Variants in LCP1 observed in about 807,000 individuals in gnomAD.
LCP1 encodes lymphocyte cytosolic protein 1, also known as plastin-2.
Under a neutral mutation model 72.0 loss-of-function variants are expected in LCP1, and 23 were observed. The ratio of observed to expected loss-of-function variants is 0.32; its 90% CI spans 0.23 to 0.45. The LOEUF is 0.45. Ranked by LOEUF, LCP1 falls within the 20% of genes least tolerant of loss-of-function variation. The pLI is 1.00. For missense variants in LCP1, 571 were observed against 748.3 expected (o/e 0.76, Z 2.76); for synonymous variants, 245 against 275.4 (o/e 0.89, Z 1.09).
intron 6 of LCP1, among the ~76,000 whole-genome samples, chr13:46,153,450 C>T (rs543055060): frequency 1.3e-5 from 2 of 152,056 alleles, no homozygotes; most frequent in Non-Finnish European, 2.9e-5. Flanking sequence ...CCCATAATCC[C>T]GGCACTTTGA....
chr13:46,170,615 G>A (rs2045900437), intron 1 of LCP1, among the ~76,000 whole-genome samples: 1 of 152,208 alleles, frequency 6.6e-6, no homozygotes, highest in South Asian at 2.1e-4. Flanking sequence ...TGGAAATATA[G>A]GTGCTAGCAT....
At chr13:46,146,436 C>T (rs1294376910) in intron 10 of LCP1, among the ~76,000 whole-genome samples, 2 of 152,126 alleles carry the variant, frequency 1.3e-5, no homozygotes, top group South Asian at 2.1e-4. Context: ...AAAAATACAA[C>T]TGTTAGGGAT....
chr13:46,176,169 T>C (rs1011170153), intron 1 of LCP1, among the ~76,000 whole-genome samples: 4 of 152,174 alleles, frequency 2.6e-5, no homozygotes, highest in Non-Finnish European at 5.9e-5. Flanking sequence ...TAGTTAACAG[T>C]ACATAGTTTT....
intron 1 of LCP1, among the ~76,000 whole-genome samples, chr13:46,165,125 C>T (rs2138272668): frequency 6.6e-6 from 1 of 152,282 alleles, no homozygotes; most frequent in African/African-American, 2.4e-5. Flanking sequence ...GTGATCCCAA[C>T]ATGTTGGGAG....
chr13:46,134,555 G>C (rs1391990147), intron 13 of LCP1, among the ~76,000 whole-genome samples: 2 of 152,072 alleles, frequency 1.3e-5, no homozygotes, highest in Non-Finnish European at 2.9e-5. Flanking sequence ...TGAAGGAAAA[G>C]ATTCCAACCT....
intron 1 of LCP1, among the ~76,000 whole-genome samples, chr13:46,179,936 T>G (rs1006040853): frequency 6.6e-6 from 1 of 152,196 alleles, no homozygotes; most frequent in African/African-American, 2.4e-5. Context: ...TTTATAAAAA[T>G]AAAAATGTTT....
At chr13:46,128,672 A>G (rs2045616311) in intron 15 of LCP1, among the ~76,000 whole-genome samples, 1 of 152,112 alleles carries the variant, frequency 6.6e-6, no homozygotes, top group East Asian at 1.9e-4. Flanking sequence ...GCCCACATAT[A>G]TTTGTACTTA....
Position 46,158,979 on chromosome 13 carries a change from G to A in LCP1, c.75C>T (p.Gly25=), listed in dbSNP as rs1474806608. The A allele has an allele frequency of 3.7e-6, 6 of 1,613,950 alleles. No homozygotes were observed. Among genetic ancestry groups the A allele is most frequent in the Non-Finnish European group, 5.1e-6 (6 of 1,179,944 alleles). ...ACTCATTGAAGCTGATGTATCCATT[G>A]CCATCAGTATCTGTAATGTACACAA... ...REAFAKVDTD[G]NGYISFNELN... The change falls in exon 3 of 16, where the codon GGC becomes GGT. Residue 25 remains glycine, a synonymous_variant. Transcript: ENST00000323076.
At chr13:46,144,594 A>G in intron 10 of LCP1, 74 bp from the exon 11 acceptor site, 1 of 957,824 alleles carries the variant, frequency 1.0e-6, no homozygotes, top group Non-Finnish European at 1.7e-6. Flanking sequence ...GTTTAACTAA[A>G]GAGGATGCAA....
intron 1 of LCP1, among the ~76,000 whole-genome samples, chr13:46,174,202 A>T (rs2045917075): frequency 6.6e-6 from 1 of 152,222 alleles, no homozygotes; most frequent in Non-Finnish European, 1.5e-5. Flanking sequence ...GGATTTTAGA[A>T]TCTCTAATGA....
In LCP1 at chr13:46,146,958, G is replaced by A; in HGVS notation, c.1124C>T (p.Pro375Leu). Residue 375 changes from proline to leucine, a missense_variant, in exon 10 of 16, where the codon CCT (proline) becomes CTT (leucine). Transcript: ENST00000323076. Reference sequence around the variant, plus strand: ...CTGGTTCTCTGGTTTGTGCAGGGCAGGGTATCTGTTAAAGAGGTTGGCAAT... The same window carrying A: ...CTGGTTCTCTGGTTTGTGCAGGGCAAGGTATCTGTTAAAGAGGTTGGCAAT... The part of the protein sequence containing the change: ...AFIANLFNRY[P>L]ALHKPENQDI... The A allele has an allele frequency of 6.2e-7, 1 of 1,614,146 alleles. No individual in the cohort carries two copies.
chr13:46,176,379 G>A (rs1408572938), intron 1 of LCP1, among the ~76,000 whole-genome samples: 5 of 152,202 alleles, frequency 3.3e-5, no homozygotes, highest in Admixed American at 3.3e-4. Context: ...CAGGATGGAA[G>A]CTATATTGAA....
chr13:46,148,273 C>T, intron 9 of LCP1, 79 bp downstream of exon 9: 1 of 974,704 alleles, frequency 1.0e-6, no homozygotes, highest in Non-Finnish European at 1.6e-6. Context: ...ACTCCAGAAT[C>T]AGGGCCACAC....
Position 46,156,507 on chromosome 13 carries a change from C to A in LCP1, c.422G>T (p.Arg141Leu), listed in dbSNP as rs200170179. 6.2e-7 allele frequency: 1 copy of A among 1,613,946 alleles called. No homozygotes were observed. Among genetic ancestry groups the A allele is most frequent in the Non-Finnish European group, 8.5e-7 (1 of 1,179,974 alleles). Reference sequence around the variant, plus strand: ...GTTTGGGTTCATTGGGATGACATGCCGACAATCAGGATCATTTTCCAGGGC... The same window carrying A: ...GTTTGGGTTCATTGGGATGACATGCAGACAATCAGGATCATTTTCCAGGGC... ...NKALENDPDC[R>L]HVIPMNPNTN... The change falls in exon 5 of 16, where the codon CGG becomes CTG. Residue 141 changes from arginine (R) to leucine (L), a missense_variant. Transcript: ENST00000323076.
chr13:46,146,514 A>G (rs2045731659), intron 10 of LCP1, among the ~76,000 whole-genome samples: 1 of 152,224 alleles, frequency 6.6e-6, no homozygotes, highest in Non-Finnish European at 1.5e-5. Context: ...CAGTAAGCAT[A>G]TCCCAGCATA....
Position 46,131,003 on chromosome 13 carries a change from G to T in LCP1, c.1627-65C>A, listed in dbSNP as rs561679043. On this transcript the variant is annotated intron_variant, in intron 14 of 15. Coordinates refer to ENST00000323076, the MANE Select transcript of LCP1 (RefSeq NM_002298.5). Reference sequence around the variant, plus strand: ...AAAGTTACTCCCATTCAGCTCAAAGGAAGTGGGTGGCTTTTTCTTCCTAAA... The same window carrying T: ...AAAGTTACTCCCATTCAGCTCAAAGTAAGTGGGTGGCTTTTTCTTCCTAAA... 8 of 1,489,066 alleles carry T rather than the reference G, an allele frequency of 5.4e-6. No homozygotes were observed. In the South Asian group the frequency reaches 1.1e-4, roughly 21 times the overall value. 92.2% of individuals were successfully genotyped at this position (1,489,066 alleles called of 1,614,324 possible).
At chr13:46,175,754 T>C (rs1016203921) in intron 1 of LCP1, among the ~76,000 whole-genome samples, 1 of 152,130 alleles carries the variant, frequency 6.6e-6, no homozygotes, top group Non-Finnish European at 1.5e-5. Flanking sequence ...CCATATTCCA[T>C]ATTTTCAAAG....
At chr13:46,150,142 C>T (rs2045755188) in intron 8 of LCP1, among the ~76,000 whole-genome samples, 1 of 152,202 alleles carries the variant, frequency 6.6e-6, no homozygotes, top group African/African-American at 2.4e-5. Flanking sequence ...TTTCCTCTGA[C>T]TCTTTCTCTT....
intron 8 of LCP1, 94 bp downstream of exon 8, chr13:46,150,842 G>A: frequency 1.5e-6 from 2 of 1,371,876 alleles, no homozygotes; most frequent in Non-Finnish European, 2.0e-6. Flanking sequence ...AACTTCTGAA[G>A]AGAGGAAGCC....
Sources: allele counts gnomAD v4.1 joint callset (sites outside exome capture counted in the v4.1 genomes callset), GRCh38; gene constraint gnomAD v4.1.1; transcripts MANE v1.5; gene names NCBI Gene and HGNC (gene_info 2026-07-23, HGNC 2026-07-21).